The following DENND1A variants were observed in gnomAD, a reference collection of about 807,000 sequenced individuals.
The protein encoded by DENND1A is DENN domain containing 1A, also known as DENN domain-containing protein 1A.
DENND1A carries 51 observed loss-of-function variants against 113.7 expected under a neutral mutation model. That is an observed-to-expected ratio of 0.45 (90% CI 0.36 to 0.57). DENND1A has a LOEUF of 0.57. DENND1A is among the 20% of genes least tolerant of loss of function. The pLI, the probability that DENND1A is intolerant of heterozygous loss-of-function variation, is 0.00. For synonymous variants in DENND1A, 565 were observed against 570.8 expected (o/e 0.99, Z 0.14); for missense variants, 1,258 against 1,395.9 (o/e 0.90, Z 1.57).
intron 4 of DENND1A, among the ~76,000 whole-genome samples, chr9:123,769,143 A>G (rs1233219673): frequency 6.6e-6 from 1 of 152,178 alleles, no homozygotes; most frequent in East Asian, 1.9e-4. Flanking sequence ...AAGTCTATAT[A>G]ATACAAAACG....
intron 1 of DENND1A, chr9:123,928,898 G>T: frequency 1.0e-6 from 1 of 985,440 alleles, no homozygotes; most frequent in Non-Finnish European, 1.2e-6. Flanking sequence ...TTACAGAAAA[G>T]CCTATGCTGT....
intron 6 of DENND1A, 25 bp from the exon 7 acceptor site, chr9:123,671,396 A>G: frequency 6.2e-7 from 1 of 1,612,636 alleles, no homozygotes; most frequent in Non-Finnish European, 8.5e-7. Flanking sequence ...AGGCCTAAGT[A>G]ACAAAAGCAA....
chr9:123,485,649 C>CAT (rs1554837427), intron 13 of DENND1A: 1 of 27,608 alleles, frequency 3.6e-5, no homozygotes. Flanking sequence ...CACACACGCG[C>CAT]GCGCGCGCAC....
intron 5 of DENND1A, among the ~76,000 whole-genome samples, chr9:123,727,381 C>A (rs572818416): frequency 1.3e-5 from 2 of 152,268 alleles, no homozygotes; most frequent in South Asian, 4.1e-4. Flanking sequence ...ATAGGCAAAA[C>A]AAAAGAAATT....
At chr9:123,494,139 C>T (rs1243067202) in intron 13 of DENND1A, among the ~76,000 whole-genome samples, 2 of 152,180 alleles carry the variant, frequency 1.3e-5, no homozygotes, top group South Asian at 2.1e-4. Context: ...CACTGTCAGG[C>T]GTTTTCATGT....
intron 2 of DENND1A, among the ~76,000 whole-genome samples, chr9:123,835,402 C>A (rs4838078): frequency 1.5e-4 from 23 of 152,150 alleles, no homozygotes; most frequent in Admixed American, 1.4e-3. Flanking sequence ...TGATAAAAGG[C>A]GGCTTTCAAC....
intron 13 of DENND1A, among the ~76,000 whole-genome samples, chr9:123,517,665 CAA>C (rs889807573): frequency 1.3e-5 from 2 of 151,762 alleles, no homozygotes; most frequent in African/African-American, 4.8e-5. Context: ...ACAAAAAAAA[CAA>C]GAGGGGCACA....
intron 19 of DENND1A, among the ~76,000 whole-genome samples, chr9:123,436,247 C>T (rs2132235182): frequency 6.6e-6 from 1 of 152,340 alleles, no homozygotes; most frequent in South Asian, 2.1e-4. Flanking sequence ...AGCTCCATCA[C>T]CCCTTCCAGC....
rs117581430 is a variant in DENND1A, at chr9:123,498,753, C to T, written c.994-40856G>A. 4.9e-3 allele frequency among the ~76,000 whole-genome samples: 742 copies of T among 151,568 alleles called. 20 individuals carry two copies. In the East Asian group the frequency reaches 0.083, roughly 17 times the overall value. ...TTTTTTTTTTCTTGAGACAAAGTCT[C>T]GCTCTGTCTCCCAAGCTGGAGTACA... is the stretch of plus-strand genomic sequence containing the variant. On this transcript the variant is annotated intron_variant, in intron 13 of 23. Coordinates refer to ENST00000394215, the MANE Select transcript of DENND1A (RefSeq NM_001352964.2).
At chr9:123,929,669 G>T (rs530779515) in intron 1 of DENND1A, among the ~76,000 whole-genome samples, 1 of 152,006 alleles carries the variant, frequency 6.6e-6, no homozygotes, top group East Asian at 1.9e-4. Context: ...AGGTGAGGAG[G>T]GGACACCTGA....
chr9:123,525,489 C>T (rs966710951), intron 13 of DENND1A, among the ~76,000 whole-genome samples: 17 of 152,118 alleles, frequency 1.1e-4, no homozygotes, highest in African/African-American at 3.9e-4. Context: ...GTGTAGGTAG[C>T]AGATAAATGC....
chr9:123,568,680 T>C (rs80304946), intron 12 of DENND1A, among the ~76,000 whole-genome samples: 10,807 of 152,150 alleles, frequency 0.071, 437 homozygotes, highest in Non-Finnish European at 0.089. Context: ...GCTGAATGGA[T>C]ACAGATTTCC....
chr9:123,890,468 T>C (rs1347427309), intron 1 of DENND1A, among the ~76,000 whole-genome samples: 1 of 152,262 alleles, frequency 6.6e-6, no homozygotes, highest in Non-Finnish European at 1.5e-5. Context: ...TTCTTTCTTA[T>C]TTAACCCTCC....
At chr9:123,402,026 A>T in intron 21 of DENND1A, 1 of 1,424,010 alleles carries the variant, frequency 7.0e-7, no homozygotes, top group Non-Finnish European at 9.7e-7. Context: ...GGGACTTCAA[A>T]GAAATGTGAC....
At chr9:123,602,877 G>C (rs2059994404) in intron 11 of DENND1A, among the ~76,000 whole-genome samples, 1 of 152,098 alleles carries the variant, frequency 6.6e-6, no homozygotes, top group Admixed American at 6.6e-5. Flanking sequence ...GTAGAGATGA[G>C]GTCTCACTGT....
intron 13 of DENND1A, among the ~76,000 whole-genome samples, chr9:123,472,859 C>G (rs939209833): frequency 2.0e-5 from 3 of 152,210 alleles, no homozygotes; most frequent in Admixed American, 2.0e-4. Context: ...TTTGTGTGTG[C>G]TGGGCCCTCT....
At chr9:123,465,051 CCCAGCTACTCAG>C (rs2048828699) in intron 13 of DENND1A, among the ~76,000 whole-genome samples, 1 of 148,614 alleles carries the variant, frequency 6.7e-6, no homozygotes, top group African/African-American at 2.5e-5. Context: ...AACCTGTAGT[CCCAGCTACTCAG>C]CCAGCTACTC....
intron 13 of DENND1A, among the ~76,000 whole-genome samples, chr9:123,477,205 T>C (rs1030013775): frequency 6.6e-6 from 1 of 152,164 alleles, no homozygotes; most frequent in African/African-American, 2.4e-5. Context: ...TAATGGGACG[T>C]GAGAGCAAAT....
rs555259440 is a variant in DENND1A at position 123,453,930 on chromosome 9, C to T, written c.1227+809G>A. Among the ~76,000 whole-genome samples the T allele has an allele frequency of 1.8e-4, 27 of 152,304 alleles. 1 individual carries two copies. The South Asian group carries it at 5.2e-3, about 29-fold the overall frequency. On this transcript the variant is annotated intron_variant, in intron 16 of 23. Transcript: ENST00000394215. ...CAATCAACAAGTCCTTATTACTCCT[C>T]TCTGATTTGCCAAGTGCTGTGTTTG...
Sources: gnomAD v4.1 joint callset for allele counts (sites outside exome capture counted in the v4.1 genomes callset) on GRCh38, gnomAD v4.1.1 for gene constraint, MANE v1.5 for transcripts, NCBI Gene and HGNC (gene_info 2026-07-23, HGNC 2026-07-21) for gene names.